The following GRK3 variants were observed in gnomAD, a reference collection of about 807,000 sequenced individuals.
GRK3 encodes the protein G protein-coupled receptor kinase 3, also known as adrenergic, beta, receptor kinase 2.
Under a neutral mutation model 95.7 loss-of-function variants are expected in GRK3, and 54 were observed. The observed-to-expected ratio is 0.56, with a 90% CI of 0.45 to 0.71. The LOEUF is 0.71. Ranked by LOEUF, GRK3 falls within the 30% of genes least tolerant of loss-of-function variation. The probability of loss-of-function intolerance (pLI) is 0.00; values close to 1 mark genes in which losing one functional copy is unlikely to be tolerated. For missense variants in GRK3, 649 were observed against 851.2 expected, an observed-to-expected ratio of 0.76 and a Z score of 2.96; for synonymous variants, 281 against 290.8, an observed-to-expected ratio of 0.97 and a Z score of 0.34.
At chr22:25,601,512 T>C (rs2084409436) in intron 1 of GRK3, among the ~76,000 whole-genome samples, 2 of 152,192 alleles carry the variant, frequency 1.3e-5, no homozygotes, top group Admixed American at 1.3e-4. Context: ...GTTAAATCGA[T>C]GCCTAGAGGG....
At chr22:25,676,289 A>G (rs1339277103) in intron 8 of GRK3, among the ~76,000 whole-genome samples, 3 of 152,196 alleles carry the variant, frequency 2.0e-5, no homozygotes, top group Admixed American at 2.0e-4. Context: ...GCACTTTTTC[A>G]TCCTAAGTGA....
At chr22:25,717,340 A>G (rs2085394810) in intron 18 of GRK3, among the ~76,000 whole-genome samples, 1 of 152,210 alleles carries the variant, frequency 6.6e-6, no homozygotes, top group Admixed American at 6.5e-5. Context: ...AGTGAAAAGG[A>G]CGACTCCATC....
At position 25,688,442 on chromosome 22, in the gene GRK3, A is replaced by G. The variant is rs190978732; in HGVS notation, c.957+775A>G. Reference sequence around the variant, plus strand: ...AGCTAAGACATAGAATGGCCGAGTCATAACTCCTCCAAGGCAAGGTCTATC... The same window carrying G: ...AGCTAAGACATAGAATGGCCGAGTCGTAACTCCTCCAAGGCAAGGTCTATC... On this transcript the variant is annotated intron_variant, in intron 11 of 20. Transcript: ENST00000324198. 7.2e-5 allele frequency among the ~76,000 whole-genome samples: 11 copies of G among 152,322 alleles called. No individual in the cohort carries two copies. In the East Asian group the frequency reaches 1.7e-3, roughly 24 times the overall value.
rs139859675 is a variant in GRK3 at position 25,641,402 on chromosome 22, C to T, written c.191-3190C>T. ...CTACCTTTCTTCCTTTGTTCTCTCT[C>T]CTGAGCTCTGTCTTTGTTACAGTCA... On this transcript the variant is annotated intron_variant, in intron 2 of 20. Transcript: ENST00000324198. Among the ~76,000 whole-genome samples the T allele has an allele frequency of 1.4e-3, 219 of 152,270 alleles. 1 individual carries two copies. The highest frequency in any genetic ancestry group is 4.7e-3 in the African/African-American group (197 of 41,550).
chr22:25,578,568 T>C (rs1931990657), intron 1 of GRK3, among the ~76,000 whole-genome samples: 1 of 152,066 alleles, frequency 6.6e-6, no homozygotes, highest in Non-Finnish European at 1.5e-5. Context: ...ATAAAGAGAT[T>C]ATCCTGGATT....
intron 1 of GRK3, among the ~76,000 whole-genome samples, chr22:25,567,415 G>A (rs1322484674): frequency 6.6e-6 from 1 of 152,174 alleles, no homozygotes; most frequent in African/African-American, 2.4e-5. Context: ...CTCTACCACT[G>A]GATGGCAGTT....
At chr22:25,698,312 A>G (rs565199488) in intron 13 of GRK3, among the ~76,000 whole-genome samples, 19 of 152,314 alleles carry the variant, frequency 1.2e-4, no homozygotes, top group African/African-American at 4.6e-4. Context: ...CCAGCCAGGA[A>G]GGGAGCCACA....
At chr22:25,640,718 A>G (rs576594784) in intron 2 of GRK3, among the ~76,000 whole-genome samples, 1 of 152,346 alleles carries the variant, frequency 6.6e-6, no homozygotes, top group African/African-American at 2.4e-5. Context: ...TATAAAAAGC[A>G]ATACAATTCT....
chr22:25,672,293 T>A lies in GRK3; in HGVS notation c.504-3T>A. 7.3e-7 allele frequency: 1 copy of A among 1,369,836 alleles called. No individual in the cohort carries two copies. Among genetic ancestry groups the A allele is most frequent in the Non-Finnish European group, 1.0e-6 (1 of 978,466 alleles). The allele number at this position is 1,369,836 out of a possible 1,614,324, so 84.9% of individuals were successfully genotyped here. ...TTTTAGTAATTATTTTATTCTCTTT[T>A]AGTGACAAGTTCACTAGATTTTGTC... On this transcript the variant is annotated splice_region_variant and splice_polypyrimidine_tract_variant and intron_variant, in intron 6 of 20. Transcript: ENST00000324198.
intron 17 of GRK3, among the ~76,000 whole-genome samples, chr22:25,713,255 T>TCA (rs71743064): frequency 1.3e-5 from 2 of 151,870 alleles, no homozygotes; most frequent in Admixed American, 6.6e-5. Flanking sequence ...ACCCCATCAC[T>TCA]CACACACACA....
intron 3 of GRK3, among the ~76,000 whole-genome samples, chr22:25,652,363 G>A (rs1057081399): frequency 3.3e-5 from 5 of 152,106 alleles, no homozygotes; most frequent in Non-Finnish European, 7.4e-5. Flanking sequence ...CCCGGGAGGC[G>A]GAGCTTGCAG....
rs181478168 is a variant in GRK3, at chr22:25,656,734, C to T, written c.265-4842C>T. ...TTGTATTCTGGTTGAGAGAAACAGA[C>T]AAGAAACAAATAATAAACAGGAAAT... is the stretch of plus-strand genomic sequence containing the variant. On this transcript the variant is annotated intron_variant, in intron 3 of 20. Transcript: ENST00000324198. 3.3e-5 allele frequency among the ~76,000 whole-genome samples: 5 copies of T among 152,194 alleles called. No individual in the cohort carries two copies. The East Asian group carries it at 9.7e-4, about 29-fold the overall frequency.
chr22:25,656,513 G>T (rs1173024344), intron 3 of GRK3, among the ~76,000 whole-genome samples: 2 of 151,944 alleles, frequency 1.3e-5, no homozygotes, highest in Non-Finnish European at 2.9e-5. Flanking sequence ...TTTTTGTAGA[G>T]ATGAGGTCTC....
chr22:25,565,796 G>A (rs905425366), intron 1 of GRK3, among the ~76,000 whole-genome samples: 9 of 151,964 alleles, frequency 5.9e-5, no homozygotes, highest in Admixed American at 5.9e-4. Context: ...TATTCTTTTT[G>A]GTGCCAAGTG....
intron 2 of GRK3, among the ~76,000 whole-genome samples, chr22:25,611,264 G>C (rs1399702079): frequency 2.6e-5 from 4 of 152,168 alleles, no homozygotes; most frequent in African/African-American, 9.7e-5. Flanking sequence ...CTTGTTTATA[G>C]AGCAATGCTA....
intron 1 of GRK3, among the ~76,000 whole-genome samples, chr22:25,573,229 GAGCTGAGT>G (rs1931768497): frequency 6.6e-6 from 1 of 152,162 alleles, no homozygotes; most frequent in Non-Finnish European, 1.5e-5. Context: ...GAACATTACT[GAGCTGAGT>G]AAGAATATCA....
At chr22:25,567,362 C>T (rs1360335887) in intron 1 of GRK3, among the ~76,000 whole-genome samples, 1 of 152,140 alleles carries the variant, frequency 6.6e-6, no homozygotes, top group African/African-American at 2.4e-5. Flanking sequence ...TGTTAGGATT[C>T]TGTTACATTG....
chr22:25,704,530 C>T (rs1416899817), intron 15 of GRK3, among the ~76,000 whole-genome samples: 1 of 152,174 alleles, frequency 6.6e-6, no homozygotes, highest in African/African-American at 2.4e-5. Flanking sequence ...CCTGCCTCAG[C>T]CTCCTGAGTA....
chr22:25,660,134 A>G (rs2084900399), intron 3 of GRK3, among the ~76,000 whole-genome samples: 1 of 152,222 alleles, frequency 6.6e-6, no homozygotes, highest in Non-Finnish European at 1.5e-5. Flanking sequence ...AAATACAACA[A>G]AAGGAATCAG....
Sources: allele counts gnomAD v4.1 joint callset (sites outside exome capture counted in the v4.1 genomes callset), GRCh38; gene constraint gnomAD v4.1.1; transcripts MANE v1.5; gene names NCBI Gene and HGNC (gene_info 2026-07-23, HGNC 2026-07-21).